Variants in NUBPL observed in about 807,000 individuals in gnomAD.
NUBPL encodes iron-sulfur cluster transfer protein NUBPL.
In NUBPL, 31 loss-of-function variants were observed where a neutral mutation model predicts 45.7. That is an observed-to-expected ratio of 0.68 (90% confidence interval 0.51 to 0.92). The LOEUF (loss-of-function observed/expected upper bound fraction) is 0.92. Among genes scored for constraint, NUBPL ranks in the 40% least tolerant of loss-of-function variants. The probability of loss-of-function intolerance (pLI) is 0.00; values close to 1 mark genes in which losing one functional copy is unlikely to be tolerated. For missense variants in NUBPL, 401 were observed against 398.7 expected (o/e 1.01, Z -0.05); for synonymous variants, 144 against 140.9 (o/e 1.02, Z -0.15).
At chr14:31,826,767 A>G in intron 8 of NUBPL, 53 bp downstream of exon 8, 1 of 1,482,452 alleles carries the variant, frequency 6.7e-7, no homozygotes, top group Non-Finnish European at 9.4e-7. Context: ...TAACTGAAGA[A>G]GCAAGTCATT....
In NUBPL at chr14:31,860,853, A is replaced by G. The variant is rs151193890; in HGVS notation, c.*1673A>G. ...TACAGGCAGCAACTTATAATTCCAG[A>G]GAATTATGCTGAATGAAAAAGGCCA... is the stretch of plus-strand genomic sequence containing the variant. On this transcript the variant is annotated 3_prime_UTR_variant, in exon 11 of 11. Transcript: ENST00000281081. 1 of 152,334 alleles carries G rather than the reference A, an allele frequency of 6.6e-6. No homozygotes were observed. The highest frequency in any genetic ancestry group is 2.4e-5 in the African/African-American group (1 of 41,578). The allele number at this position is 152,334 out of a possible 1,614,324, so 9.4% of individuals were successfully genotyped here.
intron 4 of NUBPL, among the ~76,000 whole-genome samples, chr14:31,599,763 T>C (rs1325103766): frequency 6.6e-6 from 1 of 152,128 alleles, no homozygotes; most frequent in Non-Finnish European, 1.5e-5. Context: ...TGGTGGTGGG[T>C]TAAATCAAGG....
intron 3 of NUBPL, among the ~76,000 whole-genome samples, chr14:31,582,844 G>A (rs1316426047): frequency 1.3e-5 from 2 of 152,114 alleles, no homozygotes; most frequent in Non-Finnish European, 2.9e-5. Flanking sequence ...TACTAAAGAT[G>A]TTACAATTAA....
chr14:31,782,396 A>G (rs993825423), intron 6 of NUBPL, among the ~76,000 whole-genome samples: 3 of 151,944 alleles, frequency 2.0e-5, no homozygotes, highest in African/African-American at 7.3e-5. Flanking sequence ...CTCTGTCTCA[A>G]ACAAACAAAC....
intron 7 of NUBPL, among the ~76,000 whole-genome samples, chr14:31,801,993 C>T (rs1388095614): frequency 6.6e-6 from 1 of 152,204 alleles, no homozygotes; most frequent in African/African-American, 2.4e-5. Context: ...GATACCATTG[C>T]TGTGGTTTGA....
At chr14:31,847,329 T>G (rs1209315023) in intron 9 of NUBPL, among the ~76,000 whole-genome samples, 1 of 152,228 alleles carries the variant, frequency 6.6e-6, no homozygotes, top group Non-Finnish European at 1.5e-5. Flanking sequence ...CCTGATTAAT[T>G]CTTTGTTAGT....
intron 4 of NUBPL, among the ~76,000 whole-genome samples, chr14:31,604,171 G>T: frequency 1.9e-5 from 2 of 107,800 alleles, no homozygotes; most frequent in Admixed American, 1.2e-4. Flanking sequence ...GGAAATCTTG[G>T]AAAGGCTGAA....
chr14:31,697,493 A>ACT (rs775679935), intron 6 of NUBPL, among the ~76,000 whole-genome samples: 5 of 152,174 alleles, frequency 3.3e-5, no homozygotes, highest in Non-Finnish European at 7.4e-5. Flanking sequence ...TGCCTTTTTT[A>ACT]CTCTATCTGT....
chr14:31,641,213 G>C (rs111987345), intron 4 of NUBPL, among the ~76,000 whole-genome samples: 1 of 152,172 alleles, frequency 6.6e-6, no homozygotes, highest in Non-Finnish European at 1.5e-5. Context: ...CCCTCCCTAA[G>C]TGTTGGAATT....
chr14:31,618,593 G>A (rs1159636744), intron 4 of NUBPL, among the ~76,000 whole-genome samples: 1 of 152,136 alleles, frequency 6.6e-6, no homozygotes. Flanking sequence ...GCAGTTTTGA[G>A]TTTCTTAATC....
intron 4 of NUBPL, among the ~76,000 whole-genome samples, chr14:31,666,572 A>G (rs553263845): frequency 1.3e-5 from 2 of 152,076 alleles, no homozygotes; most frequent in South Asian, 2.1e-4. Flanking sequence ...CAAGGTTAAT[A>G]TTGTTATGTG....
intron 6 of NUBPL, among the ~76,000 whole-genome samples, chr14:31,761,724 G>T (rs559359143): frequency 6.6e-6 from 1 of 152,268 alleles, no homozygotes; most frequent in South Asian, 2.1e-4. Context: ...GTAGTATTGA[G>T]TGACAGTAAT....
chr14:31,841,934 T>G lies in NUBPL; in HGVS notation c.694-4537T>G, dbSNP rs1458340120. On this transcript the variant is annotated intron_variant, in intron 8 of 10. Coordinates refer to ENST00000281081, the MANE Select transcript of NUBPL (RefSeq NM_025152.3). Reference sequence around the variant, plus strand: ...ATTCTGGGCTTTTTTTTTTTTTTTTTTTTTTTTTTTTTTTGAGACGGGGTC... The same window carrying G: ...ATTCTGGGCTTTTTTTTTTTTTTTTGTTTTTTTTTTTTTTGAGACGGGGTC... Among the ~76,000 whole-genome samples the G allele has an allele frequency of 1.3e-4, 16 of 123,156 alleles. 1 individual carries two copies. Among genetic ancestry groups the G allele is most frequent in the Middle Eastern group, 7.6e-3 (2 of 264 alleles). 80.8% of individuals were successfully genotyped at this position (123,156 alleles called of 152,430 possible).
At chr14:31,850,951 T>G (rs148563164) in intron 10 of NUBPL, among the ~76,000 whole-genome samples, 1 of 152,270 alleles carries the variant, frequency 6.6e-6, no homozygotes, top group African/African-American at 2.4e-5. Context: ...TGCATTTATT[T>G]TAATAAATAT....
intron 4 of NUBPL, among the ~76,000 whole-genome samples, chr14:31,642,172 G>A (rs1446971973): frequency 6.6e-6 from 1 of 152,114 alleles, no homozygotes; most frequent in African/African-American, 2.4e-5. Context: ...CTGTGCAGAA[G>A]CTTTTTAGCT....
chr14:31,569,123 G>A (rs923133576), intron 3 of NUBPL, among the ~76,000 whole-genome samples: 8 of 152,134 alleles, frequency 5.3e-5, no homozygotes, highest in Non-Finnish European at 1.0e-4. Flanking sequence ...CTAGGCTAAA[G>A]GAATTTCTGG....
chr14:31,561,433 C>G lies in NUBPL; in HGVS notation c.-7C>G. 7 of 1,396,840 alleles carry G rather than the reference C, an allele frequency of 5.0e-6. No individual in the cohort carries two copies. Among genetic ancestry groups the G allele is most frequent in the Non-Finnish European group, 6.6e-6 (7 of 1,064,608 alleles). The allele number at this position is 1,396,840 out of a possible 1,614,324, so 86.5% of individuals were successfully genotyped here. On this transcript the variant is annotated 5_prime_UTR_variant, in exon 1 of 11. Transcript: ENST00000281081. ...TCCCAGCAGGGCTCACAGCAGCGTT[C>G]CGCGTCATGGGGATTTGGCAGCGTC...
chr14:31,716,691 A>G (rs775805083), intron 6 of NUBPL, among the ~76,000 whole-genome samples: 4 of 152,222 alleles, frequency 2.6e-5, no homozygotes, highest in Non-Finnish European at 5.9e-5. Context: ...ATTCTGGGCA[A>G]TGCCTAATGG....
At chr14:31,569,600 A>C (rs1165604671) in intron 3 of NUBPL, among the ~76,000 whole-genome samples, 4 of 152,184 alleles carry the variant, frequency 2.6e-5, no homozygotes, top group African/African-American at 9.7e-5. Context: ...GTAGTATTGC[A>C]GAGCAAAATT....
Sources: allele counts gnomAD v4.1 joint callset (sites outside exome capture counted in the v4.1 genomes callset), GRCh38; gene constraint gnomAD v4.1.1; transcripts MANE v1.5; gene names NCBI Gene and HGNC (gene_info 2026-07-23, HGNC 2026-07-21).